The following MAP1A variants were observed in gnomAD, a reference collection of about 807,000 sequenced individuals.
MAP1A encodes microtubule associated protein 1A, also known as microtubule-associated protein 1A.
Under a neutral mutation model 185.9 loss-of-function variants are expected in MAP1A, and 42 were observed. The ratio of observed to expected loss-of-function variants is 0.23; its 90% CI spans 0.18 to 0.29. The LOEUF (loss-of-function observed/expected upper bound fraction) is 0.29. MAP1A is among the 10% of genes least tolerant of loss of function. The pLI, the probability that MAP1A is intolerant of heterozygous loss-of-function variation, is 1.00. For synonymous variants in MAP1A, 1,229 were observed against 1,335.9 expected (o/e 0.92, Z 1.74); for missense variants, 2,995 against 3,450.4 (o/e 0.87, Z 3.31).
upstream of MAP1A, among the ~76,000 whole-genome samples, chr15:43,514,627 C>G (rs2079292001): frequency 6.6e-6 from 1 of 152,224 alleles, no homozygotes; most frequent in Admixed American, 6.5e-5. Context: ...TCCACATTGA[C>G]ATACCCACAC....
chr15:43,528,098 C>A lies in MAP1A; in HGVS notation c.6625C>A (p.Pro2209Thr), dbSNP rs2079353863. 8 of 1,614,054 alleles carry A rather than the reference C, an allele frequency of 5.0e-6. No homozygotes were observed. The highest frequency in any genetic ancestry group is 6.8e-6 in the Non-Finnish European group (8 of 1,180,014). ...AGCTCTGGCTCTGGCTCCAGGACCC[C>A]CCACCAGAACCCGGCATGATGAATA... is the stretch of plus-strand genomic sequence containing the variant. ...DRALALAPGP[P>T]TRTRHDEYLE... is the part of the protein sequence containing the mutation. Residue 2209 changes from proline (P) to threonine (T), a missense_variant, in exon 4 of 6, where the codon CCC (proline) becomes ACC (threonine). Physicochemically the swap from Pro to Thr is conservative, Grantham distance 38. Coordinates refer to ENST00000300231, the MANE Select transcript of MAP1A (RefSeq NM_002373.6).
In MAP1A at chr15:43,531,423, C is replaced by A. The variant is rs2079371031; in HGVS notation, c.*1199C>A. On this transcript the variant is annotated 3_prime_UTR_variant, in exon 6 of 6. Transcript: ENST00000300231. ...ACTGCCAGACTGAGAAACCCAGAAG[C>A]TGGTAGTCATGTGGGCTTGCCTTCT... 1 of 152,712 alleles carries A rather than the reference C, an allele frequency of 6.5e-6. No homozygotes were observed. The allele number at this position is 152,712 out of a possible 1,614,324, so 9.5% of individuals were successfully genotyped here. A position where few individuals can be genotyped will look rare whatever the true frequency, so the allele number is the denominator to read the frequency against.
chr15:43,528,121 A>C lies in MAP1A; in HGVS notation c.6648A>C (p.Glu2216Asp). 1 of 1,614,022 alleles carries C rather than the reference A, an allele frequency of 6.2e-7. No homozygotes were observed. Among genetic ancestry groups the C allele is most frequent in the Admixed American group, 1.7e-5 (1 of 60,002 alleles). Residue 2216 changes from glutamate to aspartate, a missense_variant, in exon 4 of 6, where the codon GAA becomes GAC. Physicochemically the swap from Glu to Asp is conservative, Grantham distance 45 (BLOSUM62 2). Around this residue, in one of 3 missense-constraint regions of MAP1A, gnomAD observed 2,728 missense variants for 2,986.0 expected, o/e 0.91. Transcript: ENST00000300231. ...CCCCCACCAGAACCCGGCATGATGA[A>C]TACCTGGAAGTGACCAAGGCCCCCA... ...PGPPTRTRHDEYLEVTKAPSL... is the reference protein window; with the variant it reads ...PGPPTRTRHDDYLEVTKAPSL...
Position 43,529,512 on chromosome 15 carries a change from A to T in MAP1A, c.8035+4A>T, listed in dbSNP as rs1029683079. 3.7e-6 allele frequency: 6 copies of T among 1,602,122 alleles called. No homozygotes were observed. ...AATGGACTCAAGGCAGGACCAAGTA[A>T]GTATATCATGAAACTTGGCAGAGAG... On this transcript the variant is annotated splice_donor_region_variant and intron_variant, in intron 4 of 5. Coordinates refer to ENST00000300231, the MANE Select transcript of MAP1A (RefSeq NM_002373.6). The surrounding 1 kb of genome is among the most constrained non-coding windows in gnomAD (Gnocchi z 4.3).
exon 1 of MAP1A, chr15:43,510,987 C>A: frequency 6.5e-7 from 1 of 1,539,270 alleles, no homozygotes. Context: ...GCGGGTGTTT[C>A]CATGGAGACC....
At chr15:43,520,258 C>T (rs1268399926) in intron 1 of MAP1A, among the ~76,000 whole-genome samples, 1 of 152,126 alleles carries the variant, frequency 6.6e-6, no homozygotes, top group African/African-American at 2.4e-5. Context: ...GGGTCATCAT[C>T]CCAGGGGCCC....
At chr15:43,519,679 G>T (rs1343155248) in intron 1 of MAP1A, among the ~76,000 whole-genome samples, 1 of 152,168 alleles carries the variant, frequency 6.6e-6, no homozygotes, top group Admixed American at 6.5e-5. Flanking sequence ...GAATTGTTTG[G>T]TGTTTCATGT....
chr15:43,528,723 G>T lies in MAP1A; in HGVS notation c.7250G>T (p.Gly2417Val), dbSNP rs753292206. The change falls in exon 4 of 6, where the codon GGG (glycine) becomes GTG (valine). Residue 2417 changes from glycine (G) to valine (V), a missense_variant. This residue lies in a region of MAP1A where 2,728 missense variants were observed against 2,986.0 expected (regional missense o/e 0.91). Transcript: ENST00000300231. Reference protein sequence around the residue: ...LSPEQPVCPAGGSGGPPSSAS... With the variant: ...LSPEQPVCPAVGSGGPPSSAS... ...CCTGAGCAGCCAGTGTGTCCTGCAGGGGGCTCCGGGGGCCCACCCAGCAGT... is the reference window on the plus strand; with the variant it reads ...CCTGAGCAGCCAGTGTGTCCTGCAGTGGGCTCCGGGGGCCCACCCAGCAGT... 58 of 1,612,986 alleles carry T rather than the reference G, an allele frequency of 3.6e-5. No homozygotes were observed. Among genetic ancestry groups the T allele is most frequent in the Non-Finnish European group, 4.8e-5 (57 of 1,179,574 alleles).
At position 43,521,668 on chromosome 15, in the gene MAP1A, C is replaced by T; in HGVS notation, c.195C>T (p.Gly65=). 6.2e-7 allele frequency: 1 copy of T among 1,614,140 alleles called. No individual in the cohort carries two copies. Among genetic ancestry groups the T allele is most frequent in the Non-Finnish European group, 8.5e-7 (1 of 1,180,040 alleles). Residue 65 remains glycine (G), a synonymous_variant, in exon 4 of 6, where the codon GGC becomes GGT. Transcript: ENST00000300231. The surrounding 1 kb of genome is among the most constrained non-coding windows in gnomAD (Gnocchi z 4.6). ...VNGFNILVDG[G]SDRKSCFWKL... ...GTTTCAACATCCTGGTGGATGGTGG[C>T]TCTGATCGCAAGTCCTGTTTTTGGA...
rs2140209290 is a variant in MAP1A at position 43,526,929 on chromosome 15, C to G, written c.5456C>G (p.Pro1819Arg). 4.3e-6 allele frequency: 7 copies of G among 1,614,016 alleles called. No individual in the cohort carries two copies. Among genetic ancestry groups the G allele is most frequent in the Non-Finnish European group, 4.2e-6 (5 of 1,179,962 alleles). ...CCTTCAGCCCCAGGACAAGAGAGTC[C>G]TATCCCAGACCCTAAGCTCATGCCA... is the stretch of plus-strand genomic sequence containing the variant. The part of the protein sequence containing the change: ...RVPSAPGQES[P>R]IPDPKLMPHM... The change falls in exon 4 of 6, where the codon CCT (proline) becomes CGT (arginine). Residue 1819 changes from proline to arginine, a missense_variant. Pro to Arg is a moderately radical substitution (Grantham distance 103). Around this residue, in one of 3 missense-constraint regions of MAP1A, gnomAD observed 2,728 missense variants for 2,986.0 expected, o/e 0.91. Coordinates refer to ENST00000300231, the MANE Select transcript of MAP1A (RefSeq NM_002373.6). This position sits in a 1 kb window ranked among gnomAD's most constrained non-coding sequence, Gnocchi z 4.7.
Position 43,530,549 on chromosome 15 carries a change from A to C in MAP1A, c.*325A>C. On this transcript the variant is annotated 3_prime_UTR_variant, in exon 6 of 6. Transcript: ENST00000300231. ...GACTGAGGATGGGTCTCAGAGAGCA[A>C]CCTCCTCCCTCGTAGAGGGAGATTA... The C allele has an allele frequency of 3.7e-6, 1 of 268,818 alleles. No homozygotes were observed. Among genetic ancestry groups the C allele is most frequent in the Non-Finnish European group, 7.1e-6 (1 of 141,180 alleles). 16.7% of individuals were successfully genotyped at this position (268,818 alleles called of 1,614,324 possible). A position where few individuals can be genotyped will look rare whatever the true frequency, so the allele number is the denominator to read the frequency against.
Position 43,528,136 on chromosome 15 carries a change from C to G in MAP1A, c.6663C>G (p.Thr2221=). Residue 2221 remains threonine (T), a synonymous_variant, in exon 4 of 6, where the codon ACC becomes ACG. Transcript: ENST00000300231. ...RTRHDEYLEV[T]KAPSLDSSLP... is the part of the protein sequence containing the mutation. The stretch of plus-strand genomic sequence containing the variant: ...GGCATGATGAATACCTGGAAGTGAC[C>G]AAGGCCCCCAGCCTGGATTCCTCAC... The G allele has an allele frequency of 6.2e-7, 1 of 1,614,106 alleles. No homozygotes were observed. The highest frequency in any genetic ancestry group is 8.5e-7 in the Non-Finnish European group (1 of 1,180,006).
upstream of MAP1A, among the ~76,000 whole-genome samples, chr15:43,513,309 A>C (rs2079288505): frequency 1.3e-5 from 2 of 152,106 alleles, no homozygotes; most frequent in Non-Finnish European, 2.9e-5. Context: ...CCTGGGCAAC[A>C]AAAGTGAAAC....
Position 43,527,041 on chromosome 15 carries a change from C to A in MAP1A, c.5568C>A (p.Pro1856=). The change falls in exon 4 of 6, where the codon CCC becomes CCA. Residue 1856 remains proline (P), a synonymous_variant. Coordinates refer to ENST00000300231, the MANE Select transcript of MAP1A (RefSeq NM_002373.6). ...VPKDRPLPPA[P]LSPAPGPPTP... Reference sequence around the variant, plus strand: ...AGGACAGACCCCTCCCCCCTGCACCCCTCTCCCCAGCTCCTGGTCCCCCCA... The same window carrying A: ...AGGACAGACCCCTCCCCCCTGCACCACTCTCCCCAGCTCCTGGTCCCCCCA... The A allele has an allele frequency of 6.3e-7, 1 of 1,593,020 alleles. No individual in the cohort carries two copies. Among genetic ancestry groups the A allele is most frequent in the South Asian group, 1.2e-5 (1 of 86,862 alleles).
At chr15:43,520,546 G>A (rs932704686) in intron 1 of MAP1A, 95 bp from the exon 2 acceptor site, 21 of 842,650 alleles carry the variant, frequency 2.5e-5, no homozygotes, top group South Asian at 1.6e-4. Flanking sequence ...CTTCTCTTTC[G>A]TCTAAGCCCC....
rs1359266812 is a variant in MAP1A at position 43,527,594 on chromosome 15, C to T, written c.6121C>T (p.Pro2041Ser). The change falls in exon 4 of 6, where the codon CCC (proline) becomes TCC (serine). Residue 2041 changes from proline (P) to serine (S), a missense_variant. Coordinates refer to ENST00000300231, the MANE Select transcript of MAP1A (RefSeq NM_002373.6). ...CTTCAGCTATGCAGCCCTGGCAGGA[C>T]CCACTGTACCCCCAAGGCCAGAGCC... ...PTFSYAALAG[P>S]TVPPRPEPGP... 1 of 1,614,128 alleles carries T rather than the reference C, an allele frequency of 6.2e-7. No homozygotes were observed. The highest frequency in any genetic ancestry group is 1.1e-5 in the South Asian group (1 of 91,088).
At chr15:43,517,362 A>T (rs1335597895), upstream of MAP1A, among the ~76,000 whole-genome samples, 1 of 152,116 alleles carries the variant, frequency 6.6e-6, no homozygotes, top group Non-Finnish European at 1.5e-5. Flanking sequence ...TGCCAAAAGA[A>T]TATTTCCTAA....
In MAP1A at chr15:43,530,476, T is replaced by G. The variant is rs971776235; in HGVS notation, c.*252T>G. 3.9e-6 allele frequency: 2 copies of G among 507,676 alleles called. No homozygotes were observed. Among genetic ancestry groups the G allele is most frequent in the Non-Finnish European group, 7.1e-6 (2 of 281,902 alleles). 31.4% of individuals were successfully genotyped at this position (507,676 alleles called of 1,614,324 possible). ...CAAATTAGAATAGGATAGCATCTGA[T>G]GCCTGAGAACCCTCTCCTAGCACTG... On this transcript the variant is annotated 3_prime_UTR_variant, in exon 6 of 6. Coordinates refer to ENST00000300231, the MANE Select transcript of MAP1A (RefSeq NM_002373.6).
intron 1 of MAP1A, among the ~76,000 whole-genome samples, chr15:43,518,717 C>A (rs1401379024): frequency 1.4e-5 from 2 of 140,928 alleles, no homozygotes; most frequent in African/African-American, 5.6e-5. Flanking sequence ...CACCCCCCCC[C>A]GCAACTCCAG....
Sources: allele counts gnomAD v4.1 joint callset (sites outside exome capture counted in the v4.1 genomes callset), GRCh38; gene constraint gnomAD v4.1.1; regional missense constraint gnomAD v4.1.1; non-coding constraint Gnocchi (gnomAD v3.1); transcripts MANE v1.5; gene names NCBI Gene and HGNC (gene_info 2026-07-23, HGNC 2026-07-21).